Variants in FOXN3 observed in about 807,000 individuals in gnomAD.
FOXN3 encodes the protein forkhead box N3.
A neutral mutation model predicts 38.4 loss-of-function variants in FOXN3; 7 were observed. That is an observed-to-expected ratio of 0.18 (90% confidence interval 0.10 to 0.34). The LOEUF (loss-of-function observed/expected upper bound fraction) is 0.34, where lower values mean the gene tolerates loss of function less well. Among genes scored for constraint, FOXN3 ranks in the 10% least tolerant of loss-of-function variants. The pLI is 1.00. For synonymous variants in FOXN3, 230 were observed against 242.2 expected (o/e 0.95, Z 0.47); for missense variants, 456 against 613.4 (o/e 0.74, Z 2.71).
chr14:89,340,257 A>G (rs1431702649), intron 3 of FOXN3, among the ~76,000 whole-genome samples: 2 of 152,310 alleles, frequency 1.3e-5, no homozygotes, highest in African/African-American at 4.8e-5. Context: ...TTAGAGAGAC[A>G]TATGTTGGAA....
At chr14:89,243,424 C>T (rs1385470344) in intron 4 of FOXN3, among the ~76,000 whole-genome samples, 2 of 152,182 alleles carry the variant, frequency 1.3e-5, no homozygotes, top group African/African-American at 4.8e-5. Context: ...GCAGCACAAA[C>T]ACCCGCATTG....
At chr14:89,475,216 C>T (rs1893187051) in intron 1 of FOXN3, among the ~76,000 whole-genome samples, 1 of 152,196 alleles carries the variant, frequency 6.6e-6, no homozygotes, top group African/African-American at 2.4e-5. Flanking sequence ...TAGATATTTA[C>T]TTATACATAT....
chr14:89,390,490 TAAA>T (rs376776864), intron 2 of FOXN3, among the ~76,000 whole-genome samples: 3 of 130,158 alleles, frequency 2.3e-5, no homozygotes, highest in African/African-American at 5.7e-5. Context: ...AGCTGCTTTT[TAAA>T]AAAAAAAAAA....
intron 1 of FOXN3, among the ~76,000 whole-genome samples, chr14:89,540,337 T>A (rs899909424): frequency 2.0e-5 from 3 of 152,172 alleles, no homozygotes; most frequent in Non-Finnish European, 4.4e-5. Flanking sequence ...AAAGGCATGC[T>A]TAACATAGAC....
chr14:89,251,670 A>G (rs376183519), intron 4 of FOXN3, among the ~76,000 whole-genome samples: 61 of 152,340 alleles, frequency 4.0e-4, no homozygotes, highest in African/African-American at 1.4e-3. Flanking sequence ...TTCCTTCGAT[A>G]TAAAGATCCC....
At chr14:89,508,258 T>A (rs1487580074) in intron 1 of FOXN3, among the ~76,000 whole-genome samples, 1 of 152,198 alleles carries the variant, frequency 6.6e-6, no homozygotes, top group East Asian at 1.9e-4. Context: ...ACCAGGCTTG[T>A]GGCTCAGCTC....
intron 3 of FOXN3, among the ~76,000 whole-genome samples, chr14:89,313,784 A>T (rs1887643146): frequency 6.6e-6 from 1 of 152,230 alleles, no homozygotes; most frequent in South Asian, 2.1e-4. Flanking sequence ...CATACATACA[A>T]GAGAGTATTA....
At chr14:89,434,934 ACAG>A (rs1566655322) in intron 1 of FOXN3, among the ~76,000 whole-genome samples, 1 of 152,242 alleles carries the variant, frequency 6.6e-6, no homozygotes. Flanking sequence ...AAGCTGTATT[ACAG>A]AGAATTATTA....
intron 3 of FOXN3, 52 bp from the exon 4 acceptor site, chr14:89,281,066 C>T (rs755908405): frequency 1.4e-6 from 2 of 1,472,678 alleles, no homozygotes; most frequent in African/African-American, 1.4e-5. Context: ...CACTCACACA[C>T]CTGCAACCCC....
Position 89,238,279 on chromosome 14 carries a change from G to A in FOXN3, c.745+42671C>T, listed in dbSNP as rs536301489. 3.9e-5 allele frequency among the ~76,000 whole-genome samples: 6 copies of A among 152,246 alleles called. No homozygotes were observed. The East Asian group carries it at 1.2e-3, about 29-fold the overall frequency. Reference sequence around the variant, plus strand: ...TAACTGTGTTTACCCGGTCCCTACAGCACAAACATGCCTCCCAATCCCACT... The same window carrying A: ...TAACTGTGTTTACCCGGTCCCTACAACACAAACATGCCTCCCAATCCCACT... On this transcript the variant is annotated intron_variant, in intron 4 of 5. Transcript: ENST00000557258.
intron 1 of FOXN3, among the ~76,000 whole-genome samples, chr14:89,431,104 GAGAA>G (rs748119977): frequency 6.6e-6 from 1 of 152,192 alleles, no homozygotes; most frequent in Non-Finnish European, 1.5e-5. Flanking sequence ...TTTTTAAGTA[GAGAA>G]AGAAGAGTCC....
chr14:89,348,986 T>G (rs1427928675), intron 3 of FOXN3, among the ~76,000 whole-genome samples: 3 of 152,184 alleles, frequency 2.0e-5, no homozygotes, highest in Non-Finnish European at 4.4e-5. Flanking sequence ...ACTCATGTTC[T>G]TAACTTCCTA....
intron 3 of FOXN3, among the ~76,000 whole-genome samples, chr14:89,293,569 C>T (rs994669404): frequency 1.3e-5 from 2 of 152,268 alleles, no homozygotes; most frequent in Admixed American, 6.5e-5. Flanking sequence ...CAGCTGGCTT[C>T]AAATTCCCAC....
intron 4 of FOXN3, among the ~76,000 whole-genome samples, chr14:89,221,662 T>C (rs553438461): frequency 6.6e-6 from 1 of 152,358 alleles, no homozygotes; most frequent in African/African-American, 2.4e-5. Flanking sequence ...GTTTGTCTTA[T>C]GCAGCAAGAT....
At position 89,446,921 on chromosome 14, in the gene FOXN3, G is replaced by T. The variant is rs778951865; in HGVS notation, c.-14-34431C>A. 1.4e-3 allele frequency among the ~76,000 whole-genome samples: 217 copies of T among 152,314 alleles called. 1 individual carries two copies. Among genetic ancestry groups the T allele is most frequent in the Non-Finnish European group, 2.7e-3 (183 of 68,036 alleles). On this transcript the variant is annotated intron_variant, in intron 1 of 6. Coordinates refer to the FOXN3 transcript ENST00000345097. ...TCCTTAAAATGAATTCCTGGGCCGG[G>T]CACGGTGGCTCATGCCTGTAATTCC...
intron 4 of FOXN3, among the ~76,000 whole-genome samples, chr14:89,191,709 G>A (rs1268111520): frequency 1.4e-5 from 2 of 147,512 alleles, no homozygotes; most frequent in African/African-American, 5.0e-5. Flanking sequence ...GCCCACAAGC[G>A]ATTAATGATA....
chr14:89,611,341 AG>A (rs1436363504), intron 1 of FOXN3, among the ~76,000 whole-genome samples: 1 of 152,112 alleles, frequency 6.6e-6, no homozygotes, highest in African/African-American at 2.4e-5. Flanking sequence ...CAAGTGTAAA[AG>A]TGAGTGCTGT....
rs997432848 is a variant in FOXN3, at chr14:89,329,074, G to A, written c.680+21598C>T. Among the ~76,000 whole-genome samples the A allele has an allele frequency of 5.9e-5, 9 of 152,216 alleles. 1 individual carries two copies. The highest frequency in any genetic ancestry group is 1.9e-4 in the African/African-American group (8 of 41,520). ...ATCTGGGAAATACAGCAAAGTAGAT[G>A]ATATAAGAGAGGCCACCGACCCTCA... On this transcript the variant is annotated intron_variant, in intron 3 of 5. Coordinates refer to ENST00000557258, the MANE Select transcript of FOXN3 (RefSeq NM_005197.4).
intron 4 of FOXN3, among the ~76,000 whole-genome samples, chr14:89,267,012 G>C (rs1886000779): frequency 6.6e-6 from 1 of 152,214 alleles, no homozygotes. Flanking sequence ...AAGGGGAAAA[G>C]TGATGAAGCA....
Sources: allele counts gnomAD v4.1 joint callset (sites outside exome capture counted in the v4.1 genomes callset), GRCh38; gene constraint gnomAD v4.1.1; transcripts MANE v1.5; gene names NCBI Gene and HGNC (gene_info 2026-07-23, HGNC 2026-07-21).